CSMD1: variants seen among roughly 807,000 people sequenced by gnomAD.
The protein encoded by CSMD1 is CUB and sushi domain-containing protein 1.
Under a neutral mutation model 417.5 loss-of-function variants are expected in CSMD1, and 213 were observed. The observed-to-expected ratio is 0.51, with a 90% confidence interval of 0.46 to 0.57. The LOEUF (loss-of-function observed/expected upper bound fraction) is 0.57. Ranked by LOEUF, CSMD1 falls within the 20% of genes least tolerant of loss-of-function variation. The pLI is 0.00. For missense variants in CSMD1, 6,923 were observed against 4,529.7 expected (o/e 1.53, Z -15.17); for synonymous variants, 2,862 against 1,736.8 (o/e 1.65, Z -16.11).
At chr8:4,843,819 G>C (rs578196372) in intron 1 of CSMD1, among the ~76,000 whole-genome samples, 1 of 152,196 alleles carries the variant, frequency 6.6e-6, no homozygotes, top group Non-Finnish European at 1.5e-5. Flanking sequence ...AATAGAATCA[G>C]TGGAAGCACA....
intron 26 of CSMD1, among the ~76,000 whole-genome samples, chr8:3,256,312 A>AG (rs1800648887): frequency 1.7e-5 from 2 of 119,066 alleles, no homozygotes; most frequent in Admixed American, 1.7e-4. Flanking sequence ...GTCTCAAGAA[A>AG]AAAAAAAAAA....
chr8:3,269,576 A>T (rs1052708854), intron 26 of CSMD1, among the ~76,000 whole-genome samples: 1 of 152,222 alleles, frequency 6.6e-6, no homozygotes, highest in Non-Finnish European at 1.5e-5. Context: ...CTATTTACGG[A>T]GAAATCAATC....
In CSMD1 at chr8:4,187,877, G is replaced by A. The variant is rs142934098; in HGVS notation, c.416-155778C>T. ...GCAGTTTTATACTTTTATTCTCTCA[G>A]GCCATGGCAGCACTGGCATGATATC... On this transcript the variant is annotated intron_variant, in intron 3 of 69. Transcript: ENST00000635120. 2.2e-3 allele frequency among the ~76,000 whole-genome samples: 334 copies of A among 152,010 alleles called. 2 individuals carry two copies. Among genetic ancestry groups the A allele is most frequent in the Middle Eastern group, 3.4e-3 (1 of 292 alleles).
rs902013424 is a variant in CSMD1 at position 4,158,066 on chromosome 8, C to G, written c.416-125967G>C. Among the ~76,000 whole-genome samples the G allele has an allele frequency of 2.0e-5, 3 of 150,462 alleles. No individual in the cohort carries two copies. In the Admixed American group the frequency reaches 2.0e-4, roughly 10 times the overall value. ...GCTCCTGCTACCCCTACCCCTGCTTCCCCATTACAATACAAGAAAACCCTT... is the reference window on the plus strand; with the variant it reads ...GCTCCTGCTACCCCTACCCCTGCTTGCCCATTACAATACAAGAAAACCCTT... On this transcript the variant is annotated intron_variant, in intron 3 of 69. Coordinates refer to ENST00000635120, the MANE Select transcript of CSMD1 (RefSeq NM_033225.6).
At chr8:4,137,835 G>C (rs534998047) in intron 3 of CSMD1, among the ~76,000 whole-genome samples, 1 of 150,400 alleles carries the variant, frequency 6.6e-6, no homozygotes, top group East Asian at 2.0e-4. Context: ...AACTCAGTTA[G>C]TGTTATTTTA....
intron 5 of CSMD1, among the ~76,000 whole-genome samples, chr8:3,780,147 A>T (rs1441513105): frequency 6.6e-6 from 1 of 152,240 alleles, no homozygotes; most frequent in Non-Finnish European, 1.5e-5. Flanking sequence ...CATCGGGGTG[A>T]AACATAGTAT....
intron 3 of CSMD1, among the ~76,000 whole-genome samples, chr8:4,174,487 C>G (rs1040967714): frequency 6.6e-6 from 1 of 151,478 alleles, no homozygotes; most frequent in Non-Finnish European, 1.5e-5. Flanking sequence ...GTTATTAAAT[C>G]TTTGAGAAAC....
At chr8:4,257,055 A>C (rs1379040629) in intron 3 of CSMD1, among the ~76,000 whole-genome samples, 1 of 152,146 alleles carries the variant, frequency 6.6e-6, no homozygotes, top group East Asian at 1.9e-4. Flanking sequence ...CTGTGTCATC[A>C]TTTTAAAATT....
At chr8:3,132,048 C>T (rs1296522507) in intron 41 of CSMD1, among the ~76,000 whole-genome samples, 1 of 152,078 alleles carries the variant, frequency 6.6e-6, no homozygotes, top group Non-Finnish European at 1.5e-5. Flanking sequence ...AGCCATAATG[C>T]CACCTCTAGT....
At chr8:3,432,435 T>C (rs1001766299) in intron 12 of CSMD1, among the ~76,000 whole-genome samples, 1 of 151,392 alleles carries the variant, frequency 6.6e-6, no homozygotes, top group African/African-American at 2.4e-5. Context: ...GGTGCAAAAA[T>C]AGAAATGATA....
intron 3 of CSMD1, among the ~76,000 whole-genome samples, chr8:4,261,013 G>C (rs751204933): frequency 4.6e-5 from 7 of 152,100 alleles, no homozygotes; most frequent in African/African-American, 9.7e-5. Context: ...AAAATACAAA[G>C]TTCAACGTAG....
rs1033165033 is a variant in CSMD1 at position 3,211,526 on chromosome 8, T to C, written c.4867+2971A>G. 3.3e-5 allele frequency among the ~76,000 whole-genome samples: 5 copies of C among 152,202 alleles called. No homozygotes were observed. In the East Asian group the frequency reaches 5.8e-4, roughly 18 times the overall value. On this transcript the variant is annotated intron_variant, in intron 30 of 69. Transcript: ENST00000635120. ...ATTGCCCTTTGTTACATCAAAATGG[T>C]TTTGGAAACCAGTTACATACAGAAT...
intron 6 of CSMD1, among the ~76,000 whole-genome samples, chr8:3,715,770 C>T (rs2623569): frequency 0.91 from 137,854 of 152,198 alleles, 62,609 homozygotes; most frequent in Admixed American, 0.94. Flanking sequence ...CTCAAACTCC[C>T]GACCTCATGT....
At chr8:3,742,049 C>G (rs936277769) in intron 6 of CSMD1, among the ~76,000 whole-genome samples, 1 of 151,156 alleles carries the variant, frequency 6.6e-6, no homozygotes, top group Non-Finnish European at 1.5e-5. Flanking sequence ...CCCAGCTTCA[C>G]ACTCATTCAG....
At chr8:3,950,426 G>A (rs1459334447) in intron 5 of CSMD1, among the ~76,000 whole-genome samples, 1 of 152,170 alleles carries the variant, frequency 6.6e-6, no homozygotes, top group African/African-American at 2.4e-5. Context: ...TAGCAGAAGA[G>A]AGGTTCTTCT....
chr8:3,037,269 G>A (rs966853092), intron 50 of CSMD1, among the ~76,000 whole-genome samples: 2 of 150,262 alleles, frequency 1.3e-5, no homozygotes, highest in Admixed American at 1.3e-4. Context: ...GCAGTGGCGG[G>A]ATCTCGGCTC....
chr8:3,968,278 G>A (rs1288536473), intron 5 of CSMD1, among the ~76,000 whole-genome samples: 1 of 152,030 alleles, frequency 6.6e-6, no homozygotes, highest in African/African-American at 2.4e-5. Context: ...TAGGTAGTAT[G>A]AGTATTGCCT....
intron 3 of CSMD1, among the ~76,000 whole-genome samples, chr8:4,202,508 C>T (rs918168516): frequency 6.6e-6 from 1 of 152,170 alleles, no homozygotes; most frequent in Non-Finnish European, 1.5e-5. Context: ...CAAATTTGCA[C>T]TTTTATACTT....
intron 50 of CSMD1, among the ~76,000 whole-genome samples, chr8:3,051,764 G>C (rs1001998633): frequency 6.6e-6 from 1 of 152,086 alleles, no homozygotes; most frequent in Non-Finnish European, 1.5e-5. Flanking sequence ...TCCAATTTGA[G>C]TCTAGTTTTA....
Sources: allele counts gnomAD v4.1 joint callset (sites outside exome capture counted in the v4.1 genomes callset), GRCh38; gene constraint gnomAD v4.1.1; transcripts MANE v1.5; gene names NCBI Gene and HGNC (gene_info 2026-07-23, HGNC 2026-07-21).